The following RPGRIP1L variants were observed in gnomAD, a reference collection of about 807,000 sequenced individuals.
RPGRIP1L encodes the protein RPGRIP1 like.
In RPGRIP1L, 131 loss-of-function variants were observed where a neutral mutation model predicts 160.4. The observed-to-expected ratio is 0.82, with a 90% CI of 0.71 to 0.94. The LOEUF (loss-of-function observed/expected upper bound fraction) is 0.94. Among genes scored for constraint, RPGRIP1L ranks in the 40% least tolerant of loss-of-function variants. The probability of loss-of-function intolerance (pLI) is 0.00; values close to 1 mark genes in which losing one functional copy is unlikely to be tolerated. For synonymous variants in RPGRIP1L, 510 were observed against 515.8 expected (o/e 0.99, Z 0.15); for missense variants, 1,522 against 1,535.8 (o/e 0.99, Z 0.15).
In RPGRIP1L at chr16:53,657,878, C is replaced by A. The variant is rs374914717; in HGVS notation, c.1402-246G>T. The stretch of plus-strand genomic sequence containing the variant: ...ACAATTGGAACAGTTATAGAGAAAT[C>A]AAAAAATAGTTACTTTATGACATAT... On this transcript the variant is annotated intron_variant, in intron 12 of 26. Transcript: ENST00000647211. 2.3e-4 allele frequency among the ~76,000 whole-genome samples: 35 copies of A among 151,884 alleles called. No homozygotes were observed. The South Asian group carries it at 6.6e-3, about 29-fold the overall frequency.
At chr16:53,650,014 T>G (rs1966837710) in intron 15 of RPGRIP1L, among the ~76,000 whole-genome samples, 1 of 152,216 alleles carries the variant, frequency 6.6e-6, no homozygotes, top group South Asian at 2.1e-4. Context: ...TCCTACTTTA[T>G]CAATTTTTTC....
intron 14 of RPGRIP1L, 43 bp downstream of exon 14, chr16:53,656,429 A>T (rs760538547): frequency 8.3e-7 from 1 of 1,211,796 alleles, no homozygotes; most frequent in Non-Finnish European, 1.2e-6. Flanking sequence ...TATAAAATCC[A>T]TTCCTCTAGT....
At chr16:53,615,330 T>G (rs1397265019) in intron 24 of RPGRIP1L, among the ~76,000 whole-genome samples, 1 of 151,958 alleles carries the variant, frequency 6.6e-6, no homozygotes, top group Non-Finnish European at 1.5e-5. Flanking sequence ...ACTATTTTCT[T>G]GCTTTCTCAG....
chr16:53,692,052 A>G lies in RPGRIP1L; in HGVS notation c.529+14T>C. On this transcript the variant is annotated intron_variant, in intron 4 of 26. Transcript: ENST00000647211. ...TAAGACTTCAGTTTAGATTTAACGT[A>G]AGCTTTGTTTTACCTTTCCTGGGGC... The G allele has an allele frequency of 6.2e-7, 1 of 1,613,102 alleles. No individual in the cohort carries two copies. The highest frequency in any genetic ancestry group is 8.5e-7 in the Non-Finnish European group (1 of 1,179,114).
chr16:53,603,674 A>ATGTGTGTGTGTGTGTGTG (rs3035223), intron 26 of RPGRIP1L, among the ~76,000 whole-genome samples: 17 of 148,062 alleles, frequency 1.1e-4, no homozygotes, highest in East Asian at 6.0e-4. Context: ...TTGAACTTTA[A>ATGTGTGTGTGTGTGTGTG]TGTGTGTGTG....
chr16:53,674,491 A>G (rs1354403719), intron 7 of RPGRIP1L, among the ~76,000 whole-genome samples: 1 of 152,152 alleles, frequency 6.6e-6, no homozygotes, highest in African/African-American at 2.4e-5. Flanking sequence ...TAAGGTTTAA[A>G]ATAAATACAC....
chr16:53,611,174 T>G (rs964409275), intron 24 of RPGRIP1L, 123 bp from the exon 25 acceptor site: 21 of 713,042 alleles, frequency 2.9e-5, no homozygotes, highest in Non-Finnish European at 3.2e-5. Flanking sequence ...CTCACTTGCA[T>G]GCCTGGGAAA....
chr16:53,689,409 T>C (rs1970241138), intron 4 of RPGRIP1L, among the ~76,000 whole-genome samples: 2 of 152,140 alleles, frequency 1.3e-5, no homozygotes, highest in African/African-American at 4.8e-5. Flanking sequence ...CAGCGCCCCA[T>C]ACTCTTCCCA....
intron 25 of RPGRIP1L, among the ~76,000 whole-genome samples, chr16:53,610,552 T>C (rs944390192): frequency 6.6e-6 from 1 of 152,126 alleles, no homozygotes; most frequent in South Asian, 2.1e-4. Flanking sequence ...CATTTTAAAG[T>C]TGAAGGAAGA....
chr16:53,693,221 G>T (rs913637468), intron 3 of RPGRIP1L: 3 of 152,136 alleles, frequency 2.0e-5, no homozygotes, highest in Non-Finnish European at 4.4e-5. Context: ...TTACAAAATT[G>T]GTCGCACATC....
intron 22 of RPGRIP1L, among the ~76,000 whole-genome samples, chr16:53,629,246 A>G (rs1255822172): frequency 6.6e-6 from 1 of 152,190 alleles, no homozygotes; most frequent in Non-Finnish European, 1.5e-5. Context: ...CTGGCATTTA[A>G]CAATGCTCCC....
chr16:53,652,426 C>A, intron 15 of RPGRIP1L, 109 bp downstream of exon 15: 1 of 860,994 alleles, frequency 1.2e-6, no homozygotes, highest in Non-Finnish European at 1.9e-6. Context: ...GTTGTCCTTG[C>A]TCTAAAGGCA....
At chr16:53,675,355 G>T (rs1969074096) in intron 6 of RPGRIP1L, among the ~76,000 whole-genome samples, 2 of 152,016 alleles carry the variant, frequency 1.3e-5, no homozygotes, top group Non-Finnish European at 2.9e-5. Context: ...AAGTTTGAAG[G>T]GAGCCCCCAA....
At chr16:53,693,663 A>T (rs1970539976) in intron 3 of RPGRIP1L, 1 of 152,186 alleles carries the variant, frequency 6.6e-6, no homozygotes, top group South Asian at 2.1e-4. Context: ...AAAATAATCA[A>T]TGGATTAGTT....
chr16:53,642,186 ATT>A (rs201242475), intron 17 of RPGRIP1L, among the ~76,000 whole-genome samples: 1 of 148,250 alleles, frequency 6.7e-6, no homozygotes, highest in Non-Finnish European at 1.5e-5. Flanking sequence ...ATATCTTTTT[ATT>A]TTTTTTTTTA....
intron 15 of RPGRIP1L, among the ~76,000 whole-genome samples, chr16:53,651,937 C>A (rs1164114853): frequency 6.6e-6 from 1 of 151,694 alleles, no homozygotes; most frequent in Non-Finnish European, 1.5e-5. Context: ...TTATTATGAA[C>A]TTAAATTACA....
rs767943403 is a variant in RPGRIP1L at position 53,657,488 on chromosome 16, G to A, written c.1546C>T (p.Leu516=). 4 of 1,612,588 alleles carry A rather than the reference G, an allele frequency of 2.5e-6. No individual in the cohort carries two copies. The Admixed American group carries it at 6.7e-5, about 27-fold the overall frequency. ...VQELEKTRNM[L]IMQHKINKDY... is the part of the protein sequence containing the mutation. ...TTATTAATTTTGTGTTGCATAATTA[G>A]CATGTTTCTTGTCTTTTCCAGCTCT... The change falls in exon 13 of 27, where the codon CTA becomes TTA. Residue 516 remains leucine, a synonymous_variant. Transcript: ENST00000647211.
intron 3 of RPGRIP1L, chr16:53,695,567 G>T (rs753457798): frequency 5.9e-5 from 36 of 607,084 alleles, no homozygotes; most frequent in Non-Finnish European, 9.3e-5. Context: ...GAATAAAAAA[G>T]AATGAAAGAG....
chr16:53,702,726 C>T (rs1285593906), intron 1 of RPGRIP1L, among the ~76,000 whole-genome samples: 4 of 150,958 alleles, frequency 2.6e-5, no homozygotes, highest in Admixed American at 6.6e-5. Context: ...CTATGTTGCC[C>T]GGGCTGGCCT....
Sources: allele counts gnomAD v4.1 joint callset (sites outside exome capture counted in the v4.1 genomes callset), GRCh38; gene constraint gnomAD v4.1.1; transcripts MANE v1.5; gene names NCBI Gene and HGNC (gene_info 2026-07-23, HGNC 2026-07-21).